Variants in IL17D observed in about 807,000 individuals in gnomAD.
IL17D encodes the protein interleukin-17D.
IL17D carries 10 observed loss-of-function variants against 5.7 expected under a neutral mutation model. That is an observed-to-expected ratio of 1.75 (90% CI 1.08 to 2.97). The LOEUF is 2.97. Ranked by LOEUF, IL17D falls within the 30% of genes most tolerant of loss-of-function variation. The pLI is 0.00. For synonymous variants in IL17D, 172 were observed against 141.7 expected (o/e 1.21, Z -1.52); for missense variants, 354 against 292.7 (o/e 1.21, Z -1.53).
chr13:20,714,068 A>G (rs977162021), intron 1 of IL17D: 1 of 152,270 alleles, frequency 6.6e-6, no homozygotes, highest in African/African-American at 2.4e-5. Context: ...CGTGGGCATG[A>G]GTCGTGTTTT....
rs987354927 is a variant in IL17D, at chr13:20,707,062, T to C, written c.290+2771T>C. On this transcript the variant is annotated intron_variant, in intron 1 of 1. Coordinates refer to ENST00000682841, the MANE Select transcript of IL17D (RefSeq NM_001385224.1). Reference sequence around the variant, plus strand: ...ATGGCTGCTGGGCTGGGACTCCAGATTGCTGACTGCCAAAGCTGCTCCTGC... The same window carrying C: ...ATGGCTGCTGGGCTGGGACTCCAGACTGCTGACTGCCAAAGCTGCTCCTGC... Among the ~76,000 whole-genome samples, 3 of 152,180 alleles carry C rather than the reference T, an allele frequency of 2.0e-5. No individual in the cohort carries two copies. The East Asian group carries it at 5.8e-4, about 29-fold the overall frequency.
chr13:20,705,875 C>G (rs1368243143), intron 1 of IL17D, among the ~76,000 whole-genome samples: 1 of 152,192 alleles, frequency 6.6e-6, no homozygotes, highest in African/African-American at 2.4e-5. Context: ...AGACTAGGAT[C>G]AGCGTGAAAG....
chr13:20,702,470 T>G (rs911120565), upstream of IL17D: 1 of 152,172 alleles, frequency 6.6e-6, no homozygotes, highest in Non-Finnish European at 1.5e-5. Flanking sequence ...ACAGCTGGGA[T>G]GGGTTGTTTA....
chr13:20,713,955 C>G (rs746955293), intron 1 of IL17D: 11 of 152,332 alleles, frequency 7.2e-5, no homozygotes, highest in African/African-American at 2.7e-4. Flanking sequence ...CGGGTGGACT[C>G]CCCCCTTGGT....
In IL17D at chr13:20,716,315, T is replaced by C. The variant is rs2058679155; in HGVS notation, c.291-5321T>C. ...AAATTGTCTTGAGTATTCTTGGCCCTTTTCTTCTCTCTCTATGAATTTTAG... is the reference window on the plus strand; with the variant it reads ...AAATTGTCTTGAGTATTCTTGGCCCCTTTCTTCTCTCTCTATGAATTTTAG... On this transcript the variant is annotated intron_variant, in intron 1 of 1. Coordinates refer to ENST00000682841, the MANE Select transcript of IL17D (RefSeq NM_001385224.1). This position sits in a 1 kb window ranked among gnomAD's most constrained non-coding sequence, Gnocchi z 4.2. 6.6e-6 allele frequency among the ~76,000 whole-genome samples: 1 copy of C among 152,176 alleles called. No individual in the cohort carries two copies. Among genetic ancestry groups the C allele is most frequent in the African/African-American group, 2.4e-5 (1 of 41,436 alleles).
At chr13:20,703,201 C>T, upstream of IL17D, 1 of 873,546 alleles carries the variant, frequency 1.1e-6, no homozygotes, top group Non-Finnish European at 1.4e-6. Flanking sequence ...GCCGCATGCT[C>T]GCGGCTGGAA....
intron 1 of IL17D, among the ~76,000 whole-genome samples, chr13:20,710,650 A>AAAAG: frequency 6.7e-6 from 1 of 149,832 alleles, no homozygotes; most frequent in Non-Finnish European, 1.5e-5. Flanking sequence ...AAAAAAAAAA[A>AAAAG]AAGAAACCCC....
At chr13:20,719,009 T>G (rs1198600264) in intron 1 of IL17D, among the ~76,000 whole-genome samples, 1 of 117,546 alleles carries the variant, frequency 8.5e-6, no homozygotes, top group African/African-American at 3.4e-5. Flanking sequence ...CACATGCCCA[T>G]GCTCACACAT....
At position 20,722,344 on chromosome 13, in the gene IL17D, CA is replaced by C. The variant is rs2058743948; in HGVS notation, c.*392del. ...ATAGGGACGCATATGCTTTTTAAAG[CA>C]ATCTAAAAATAATAATAAGTATAGC... is the stretch of plus-strand genomic sequence containing the variant. On this transcript the variant is annotated 3_prime_UTR_variant, in exon 2 of 2. Transcript: ENST00000682841. The C allele has an allele frequency of 5.1e-6, 1 of 195,424 alleles. No homozygotes were observed. The highest frequency in any genetic ancestry group is 2.3e-5 in the African/African-American group (1 of 42,920). 12.1% of individuals were successfully genotyped at this position (195,424 alleles called of 1,614,324 possible).
chr13:20,705,039 G>A (rs746887631), intron 1 of IL17D, among the ~76,000 whole-genome samples: 1 of 152,194 alleles, frequency 6.6e-6, no homozygotes, highest in African/African-American at 2.4e-5. Context: ...GCCTGCAGAA[G>A]GGGAAGGCTG....
Position 20,721,720 on chromosome 13 carries a change from CGAG to C in IL17D, c.381_383del (p.Glu127del), listed in dbSNP as rs778523158. On this transcript the variant is annotated inframe_deletion, in exon 2 of 2. Coordinates refer to ENST00000682841, the MANE Select transcript of IL17D (RefSeq NM_001385224.1). Reference sequence around the variant, plus strand: ...GGGGCTGCCTGACCGGGCTGTTCGGCGAGGAGGACGTGCGCTTCCGCAGCGCCC... The same window carrying C: ...GGGGCTGCCTGACCGGGCTGTTCGGCGAGGACGTGCGCTTCCGCAGCGCCC... 2.5e-6 allele frequency: 4 copies of C among 1,611,308 alleles called. No individual in the cohort carries two copies. In the South Asian group the frequency reaches 3.3e-5, roughly 13 times the overall value.
chr13:20,721,904 C>G lies in IL17D; in HGVS notation c.559C>G (p.Gln187Glu). Residue 187 changes from glutamine (Q) to glutamate (E), a missense_variant, in exon 2 of 2, where the codon CAG becomes GAG. Gln to Glu is a conservative substitution (Grantham distance 29). Coordinates refer to ENST00000682841, the MANE Select transcript of IL17D (RefSeq NM_001385224.1). ...ADSINSSIDK[Q>E]GAKLLLGPND... ...CAGCATCAACTCCAGCATCGACAAA[C>G]AGGGCGCCAAGCTCCTGCTGGGCCC... 1 of 1,607,310 alleles carries G rather than the reference C, an allele frequency of 6.2e-7. No individual in the cohort carries two copies. Among genetic ancestry groups the G allele is most frequent in the Non-Finnish European group, 8.5e-7 (1 of 1,179,068 alleles).
In IL17D at chr13:20,704,290, A is replaced by C. The variant is rs1324966831; in HGVS notation, c.289A>C (p.Arg97=). ...NLRSVSPWAY[R]ISYDPARYPR... ...GCGCAGCGTGTCGCCCTGGGCCTACAGGTGAGCCGCGGGCGCGTCCTGGCG... is the reference window on the plus strand; with the variant it reads ...GCGCAGCGTGTCGCCCTGGGCCTACCGGTGAGCCGCGGGCGCGTCCTGGCG... Residue 97 remains arginine, a splice_region_variant and synonymous_variant, in exon 1 of 2, where the codon AGA becomes CGA. Transcript: ENST00000682841. 2.9e-5 allele frequency: 31 copies of C among 1,075,822 alleles called. No individual in the cohort carries two copies. Among genetic ancestry groups the C allele is most frequent in the Non-Finnish European group, 3.5e-5 (31 of 894,210 alleles). 66.6% of individuals were successfully genotyped at this position (1,075,822 alleles called of 1,614,324 possible).
At position 20,716,367 on chromosome 13, in the gene IL17D, A is replaced by G. The variant is rs560649619; in HGVS notation, c.291-5269A>G. 5.0e-4 allele frequency among the ~76,000 whole-genome samples: 76 copies of G among 152,272 alleles called. No individual in the cohort carries two copies. Among genetic ancestry groups the G allele is most frequent in the Non-Finnish European group, 1.0e-3 (70 of 68,024 alleles). ...ATCAGCTTGCCAAGTTCTCAGAGAA[A>G]TCTTTCTGGGATTTCGTTAGAATTG... On this transcript the variant is annotated intron_variant, in intron 1 of 1. Coordinates refer to ENST00000682841, the MANE Select transcript of IL17D (RefSeq NM_001385224.1). This position sits in a 1 kb window ranked among gnomAD's most constrained non-coding sequence, Gnocchi z 4.2.
intron 1 of IL17D, chr13:20,712,420 T>C (rs2058646131): frequency 6.6e-6 from 1 of 152,094 alleles, no homozygotes; most frequent in African/African-American, 2.4e-5. Flanking sequence ...GAAACCCCCA[T>C]CTCTACTAAA....
intron 1 of IL17D, among the ~76,000 whole-genome samples, chr13:20,711,264 CAAAAA>C (rs34735042): frequency 2.4e-5 from 3 of 125,704 alleles, no homozygotes; most frequent in African/African-American, 6.3e-5. Flanking sequence ...AACTCTGTCT[CAAAAA>C]AAGAAAAAAA....
At chr13:20,715,906 C>A (rs371743369) in intron 1 of IL17D, 1 of 153,966 alleles carries the variant, frequency 6.5e-6, no homozygotes, top group African/African-American at 2.4e-5. Context: ...ACGCCTGGCT[C>A]ATTTTTATTC....
intron 1 of IL17D, among the ~76,000 whole-genome samples, chr13:20,710,869 T>G (rs1341788509): frequency 6.6e-6 from 1 of 152,176 alleles, no homozygotes; most frequent in Non-Finnish European, 1.5e-5. Context: ...TAAACAACTC[T>G]ATGGATAGCT....
chr13:20,714,426 G>A (rs910494278), intron 1 of IL17D, among the ~76,000 whole-genome samples: 12 of 152,346 alleles, frequency 7.9e-5, no homozygotes, highest in Non-Finnish European at 1.5e-5. Context: ...CAGTGCGGGC[G>A]GCTGGGCTAA....
Sources: allele counts gnomAD v4.1 joint callset (sites outside exome capture counted in the v4.1 genomes callset), GRCh38; gene constraint gnomAD v4.1.1; non-coding constraint Gnocchi (gnomAD v3.1); transcripts MANE v1.5; gene names NCBI Gene and HGNC (gene_info 2026-07-23, HGNC 2026-07-21).